The following DYM variants were observed in gnomAD, a reference collection of about 807,000 sequenced individuals.
DYM encodes the protein dyggve-Melchior-Clausen syndrome protein.
A neutral mutation model predicts 93.1 loss-of-function variants in DYM; 78 were observed. The observed-to-expected ratio is 0.84, with a 90% CI of 0.70 to 1.01. The LOEUF is 1.01. Ranked by LOEUF, DYM falls within the 50% of genes least tolerant of loss-of-function variation. The pLI, the probability that DYM is intolerant of heterozygous loss-of-function variation, is 0.00. For missense variants in DYM, 789 were observed against 845.0 expected, an observed-to-expected ratio of 0.93 and a Z score of 0.82; for synonymous variants, 321 against 319.7, an observed-to-expected ratio of 1.00 and a Z score of -0.04.
chr18:49,428,835 A>G (rs1385361433), intron 2 of DYM, among the ~76,000 whole-genome samples: 1 of 152,230 alleles, frequency 6.6e-6, no homozygotes, highest in African/African-American at 2.4e-5. Context: ...AAAACACTGA[A>G]TAATACACTT....
chr18:49,145,411 C>T (rs1269886384), intron 15 of DYM, among the ~76,000 whole-genome samples: 2 of 151,942 alleles, frequency 1.3e-5, no homozygotes, highest in African/African-American at 2.4e-5. Flanking sequence ...TTAGACACTG[C>T]TCCTTTAAAC....
chr18:49,037,048 C>T lies in DYM; in HGVS notation c.*7007G>A, dbSNP rs148700462. On this transcript the variant is annotated 3_prime_UTR_variant, in exon 18 of 18. Coordinates refer to ENST00000675505, the MANE Select transcript of DYM (RefSeq NM_001353214.3). ...TCCTGCGTAGCTGGGACTACAGATG[C>T]CCACCACCACGCCCAGCTAATTTTT... Among the ~76,000 whole-genome samples the T allele has an allele frequency of 2.9e-4, 44 of 152,236 alleles. No individual in the cohort carries two copies. Among genetic ancestry groups the T allele is most frequent in the Non-Finnish European group, 5.3e-4 (36 of 68,018 alleles).
rs28372919 is a variant in DYM at position 49,431,324 on chromosome 18, C to T, written c.-53-877G>A. ...TTCCCCTAAACCATGCACATTTTTA[C>T]GACAGGAATTATCTCATTCATCTGT... is the stretch of plus-strand genomic sequence containing the variant. On this transcript the variant is annotated intron_variant, in intron 1 of 17. Coordinates refer to ENST00000675505, the MANE Select transcript of DYM (RefSeq NM_001353214.3). Among the ~76,000 whole-genome samples, 1,899 of 152,264 alleles carry T rather than the reference C, an allele frequency of 0.012. 85 individuals carry two copies. The East Asian group carries it at 0.15, about 12-fold the overall frequency.
At chr18:49,421,878 T>A (rs1033032144) in intron 2 of DYM, among the ~76,000 whole-genome samples, 3 of 152,162 alleles carry the variant, frequency 2.0e-5, no homozygotes, top group Admixed American at 2.0e-4. Flanking sequence ...CAGTAGCCGA[T>A]TCAATCAACT....
chr18:49,186,928 T>G (rs2090494056), intron 14 of DYM, among the ~76,000 whole-genome samples: 1 of 106,414 alleles, frequency 9.4e-6, no homozygotes, highest in Non-Finnish European at 2.2e-5. Context: ...TTCTTTTTTT[T>G]TTTTTTTTTT....
chr18:49,154,539 C>T (rs1012514429), intron 15 of DYM, among the ~76,000 whole-genome samples: 3 of 151,986 alleles, frequency 2.0e-5, no homozygotes, highest in South Asian at 2.1e-4. Flanking sequence ...GGATTACAGT[C>T]GTGTGCCACC....
At chr18:49,059,841 A>C (rs961198361) in intron 17 of DYM, among the ~76,000 whole-genome samples, 1 of 152,202 alleles carries the variant, frequency 6.6e-6, no homozygotes, top group African/African-American at 2.4e-5. Flanking sequence ...CACTCATTTA[A>C]GCTACCCCAA....
chr18:49,193,602 A>G (rs2091179747), intron 14 of DYM, among the ~76,000 whole-genome samples: 1 of 152,230 alleles, frequency 6.6e-6, no homozygotes, highest in Non-Finnish European at 1.5e-5. Flanking sequence ...TCAGAACAAA[A>G]TGTTTAAAAA....
intron 13 of DYM, among the ~76,000 whole-genome samples, chr18:49,216,569 G>A (rs890866008): frequency 3.3e-5 from 5 of 152,130 alleles, no homozygotes; most frequent in Admixed American, 6.5e-5. Context: ...CCAGAGGAAC[G>A]ATCAGACAGC....
Position 49,378,768 on chromosome 18 carries a change from T to A in DYM, c.288-68A>T. 2.6e-6 allele frequency: 4 copies of A among 1,550,366 alleles called. No individual in the cohort carries two copies. In the South Asian group the frequency reaches 3.4e-5, roughly 13 times the overall value. ...AGCACCATAGTTTATTTCTAGTTCA[T>A]GATTTCTTCCTGATTTGACAACCGT... On this transcript the variant is annotated intron_variant, in intron 4 of 17. Coordinates refer to ENST00000675505, the MANE Select transcript of DYM (RefSeq NM_001353214.3).
At chr18:49,419,356 C>T (rs990588263) in intron 2 of DYM, among the ~76,000 whole-genome samples, 1 of 151,584 alleles carries the variant, frequency 6.6e-6, no homozygotes, top group African/African-American at 2.4e-5. Context: ...AAGACTCTGT[C>T]TCAAAAATTA....
intron 14 of DYM, among the ~76,000 whole-genome samples, chr18:49,196,647 G>A (rs1372198269): frequency 6.6e-6 from 1 of 152,086 alleles, no homozygotes; most frequent in African/African-American, 2.4e-5. Flanking sequence ...GAAAAAGACA[G>A]GAAAGAACAT....
chr18:49,372,694 G>A lies in DYM; in HGVS notation c.421+5873C>T, dbSNP rs567200404. Among the ~76,000 whole-genome samples the A allele has an allele frequency of 9.9e-5, 15 of 152,186 alleles. No individual in the cohort carries two copies. In the South Asian group the frequency reaches 2.5e-3, roughly 25 times the overall value. On this transcript the variant is annotated intron_variant, in intron 5 of 17. Coordinates refer to ENST00000675505, the MANE Select transcript of DYM (RefSeq NM_001353214.3). Reference sequence around the variant, plus strand: ...TGGGAGGTGGAAGCTGCAGTGAGCCGAGATTGCACCACCGCACTCCAGCCC... The same window carrying A: ...TGGGAGGTGGAAGCTGCAGTGAGCCAAGATTGCACCACCGCACTCCAGCCC...
At chr18:49,305,301 T>C (rs1193964293) in intron 8 of DYM, among the ~76,000 whole-genome samples, 1 of 152,140 alleles carries the variant, frequency 6.6e-6, no homozygotes, top group Non-Finnish European at 1.5e-5. Context: ...TGAAGAACAA[T>C]ATAACCATTC....
intron 17 of DYM, among the ~76,000 whole-genome samples, chr18:49,081,815 A>G (rs898285218): frequency 6.6e-6 from 1 of 152,116 alleles, no homozygotes; most frequent in African/African-American, 2.4e-5. Flanking sequence ...AGGCTCTGCT[A>G]CTTTTCCACA....
At chr18:49,264,108 T>TA (rs2094533389) in intron 11 of DYM, among the ~76,000 whole-genome samples, 1 of 151,738 alleles carries the variant, frequency 6.6e-6, no homozygotes, top group African/African-American at 2.4e-5. Flanking sequence ...GTTGTTTTTT[T>TA]TTTTTTTTTG....
chr18:49,203,614 C>A (rs1433137008), intron 14 of DYM, among the ~76,000 whole-genome samples: 1 of 140,890 alleles, frequency 7.1e-6, no homozygotes, highest in African/African-American at 2.7e-5. Flanking sequence ...GGTTTAAGGG[C>A]GGTGCAAGAT....
chr18:49,235,936 T>C (rs1371728199), intron 13 of DYM, among the ~76,000 whole-genome samples: 1 of 152,216 alleles, frequency 6.6e-6, no homozygotes, highest in Non-Finnish European at 1.5e-5. Flanking sequence ...CAAAACTTGT[T>C]TAAACTAATT....
intron 1 of DYM, among the ~76,000 whole-genome samples, chr18:49,437,758 T>G (rs1200844481): frequency 6.6e-6 from 1 of 152,188 alleles, no homozygotes; most frequent in Non-Finnish European, 1.5e-5. Context: ...CAACTTAGAT[T>G]TTTTTTAAAA....
Sources: gnomAD v4.1 joint callset for allele counts (sites outside exome capture counted in the v4.1 genomes callset) on GRCh38, gnomAD v4.1.1 for gene constraint, MANE v1.5 for transcripts, NCBI Gene and HGNC (gene_info 2026-07-23, HGNC 2026-07-21) for gene names.